ZNF385B: variants seen among roughly 807,000 people sequenced by gnomAD.
ZNF385B encodes zinc finger protein 533.
In ZNF385B, 23 loss-of-function variants were observed where a neutral mutation model predicts 39.2. The ratio of observed to expected loss-of-function variants is 0.59; its 90% CI spans 0.42 to 0.83. The LOEUF (loss-of-function observed/expected upper bound fraction) is 0.83, where lower values mean the gene tolerates loss of function less well. Ranked by LOEUF, ZNF385B falls within the 40% of genes least tolerant of loss-of-function variation. The probability of loss-of-function intolerance (pLI) is 0.00; values close to 1 mark genes in which losing one functional copy is unlikely to be tolerated. For missense variants in ZNF385B, 552 were observed against 598.9 expected, an observed-to-expected ratio of 0.92 and a Z score of 0.82; for synonymous variants, 205 against 222.6, an observed-to-expected ratio of 0.92 and a Z score of 0.70.
At chr2:179,717,062 T>G (rs964603478) in intron 3 of ZNF385B, among the ~76,000 whole-genome samples, 18 of 152,192 alleles carry the variant, frequency 1.2e-4, no homozygotes, top group African/African-American at 4.3e-4. Context: ...CTACCAAGTT[T>G]TGCGGTACTC....
At chr2:179,611,100 A>T (rs1004887016) in intron 3 of ZNF385B, among the ~76,000 whole-genome samples, 1 of 152,146 alleles carries the variant, frequency 6.6e-6, no homozygotes, top group African/African-American at 2.4e-5. Flanking sequence ...GGTGAAAGTA[A>T]GCATCCTTTT....
intron 3 of ZNF385B, among the ~76,000 whole-genome samples, chr2:179,652,828 T>C (rs1188166567): frequency 7.7e-6 from 1 of 130,012 alleles, no homozygotes. Flanking sequence ...CTCAATTGTT[T>C]AGAATTGAGC....
At chr2:179,533,857 G>A (rs2059406593) in intron 4 of ZNF385B, among the ~76,000 whole-genome samples, 2 of 152,134 alleles carry the variant, frequency 1.3e-5, no homozygotes, top group South Asian at 2.1e-4. Flanking sequence ...GAAACATTAT[G>A]TCTTACTACT....
chr2:179,500,798 A>T (rs2056681560), intron 5 of ZNF385B, among the ~76,000 whole-genome samples: 1 of 152,216 alleles, frequency 6.6e-6, no homozygotes, highest in Non-Finnish European at 1.5e-5. Flanking sequence ...AATAAAGTGA[A>T]GAGACAACCC....
chr2:179,560,799 C>T (rs1357788662), intron 3 of ZNF385B, among the ~76,000 whole-genome samples: 1 of 152,120 alleles, frequency 6.6e-6, no homozygotes, highest in Non-Finnish European at 1.5e-5. Context: ...TTGTCATTTG[C>T]CTTATTTTGC....
intron 3 of ZNF385B, among the ~76,000 whole-genome samples, chr2:179,584,893 C>G (rs1686925894): frequency 2.0e-5 from 3 of 152,102 alleles, no homozygotes; most frequent in Non-Finnish European, 4.4e-5. Context: ...GCCCATGGAC[C>G]TGACAGTGAC....
At chr2:179,637,096 G>T (rs1369383207) in intron 3 of ZNF385B, 1 of 152,200 alleles carries the variant, frequency 6.6e-6, no homozygotes, top group African/African-American at 2.4e-5. Flanking sequence ...AGCAAGAGGA[G>T]AAATGATGTC....
chr2:179,782,880 T>C (rs1486617472), intron 1 of ZNF385B, among the ~76,000 whole-genome samples: 1 of 152,146 alleles, frequency 6.6e-6, no homozygotes, highest in Non-Finnish European at 1.5e-5. Context: ...ATAGGAAGAA[T>C]CAGTATCATT....
intron 3 of ZNF385B, among the ~76,000 whole-genome samples, chr2:179,614,259 A>C (rs1176613987): frequency 6.6e-6 from 1 of 151,928 alleles, no homozygotes; most frequent in African/African-American, 2.4e-5. Flanking sequence ...TCCTGTGGGG[A>C]GAGCAACTGA....
chr2:179,767,950 A>G (rs963747922), intron 3 of ZNF385B, among the ~76,000 whole-genome samples: 2 of 148,486 alleles, frequency 1.3e-5, no homozygotes, highest in Non-Finnish European at 3.0e-5. Flanking sequence ...TATATTTTAT[A>G]TATATATTTT....
At chr2:179,684,676 A>G (rs1246710761) in intron 3 of ZNF385B, among the ~76,000 whole-genome samples, 1 of 152,238 alleles carries the variant, frequency 6.6e-6, no homozygotes, top group Non-Finnish European at 1.5e-5. Flanking sequence ...CAACTAATCA[A>G]TATTCCTAAC....
chr2:179,715,969 C>T (rs1437371995), intron 3 of ZNF385B, among the ~76,000 whole-genome samples: 1 of 152,080 alleles, frequency 6.6e-6, no homozygotes, highest in Non-Finnish European at 1.5e-5. Flanking sequence ...TTTTCAATAT[C>T]GTTGAATTCC....
intron 3 of ZNF385B, among the ~76,000 whole-genome samples, chr2:179,760,223 C>CGCGCGT (rs11282329): frequency 0.21 from 30,289 of 144,268 alleles, 3,103 homozygotes; most frequent in Admixed American, 0.26. Context: ...TTCCTGTGTG[C>CGCGCGT]GTGTGTGTGT....
chr2:179,693,683 A>G (rs1437918135), intron 3 of ZNF385B, among the ~76,000 whole-genome samples: 1 of 152,216 alleles, frequency 6.6e-6, no homozygotes, highest in Non-Finnish European at 1.5e-5. Context: ...ATCATTCAAA[A>G]TACTTTTTAT....
At chr2:179,726,533 T>C (rs1255116861) in intron 3 of ZNF385B, among the ~76,000 whole-genome samples, 1 of 152,086 alleles carries the variant, frequency 6.6e-6, no homozygotes, top group African/African-American at 2.4e-5. Flanking sequence ...AATGTGATTA[T>C]ACATAAAGCA....
intron 3 of ZNF385B, among the ~76,000 whole-genome samples, chr2:179,595,699 C>G (rs1220506987): frequency 6.7e-6 from 1 of 149,530 alleles, no homozygotes; most frequent in Non-Finnish European, 1.5e-5. Flanking sequence ...GATCACAGCT[C>G]ACTACAATCT....
intron 5 of ZNF385B, among the ~76,000 whole-genome samples, chr2:179,511,920 T>C (rs1234114841): frequency 6.6e-6 from 1 of 152,110 alleles, no homozygotes; most frequent in Non-Finnish European, 1.5e-5. Context: ...AGAGGTACCA[T>C]ACAAAATAAA....
At chr2:179,709,287 C>T (rs1699834184) in intron 3 of ZNF385B, among the ~76,000 whole-genome samples, 1 of 152,220 alleles carries the variant, frequency 6.6e-6, no homozygotes, top group Non-Finnish European at 1.5e-5. Flanking sequence ...GCAGCCCCCA[C>T]CTTGCTGTTT....
chr2:179,851,488 G>A (rs772494119), intron 1 of ZNF385B, among the ~76,000 whole-genome samples: 16 of 152,068 alleles, frequency 1.1e-4, no homozygotes, highest in Non-Finnish European at 1.9e-4. Context: ...CATCTATGAG[G>A]GCTGAATCAG....
Sources: gnomAD v4.1 joint callset for allele counts (sites outside exome capture counted in the v4.1 genomes callset) on GRCh38, gnomAD v4.1.1 for gene constraint, MANE v1.5 for transcripts, NCBI Gene and HGNC (gene_info 2026-07-23, HGNC 2026-07-21) for gene names.